SLC39A11: variants seen among roughly 807,000 people sequenced by gnomAD.
SLC39A11 encodes the protein zinc transporter ZIP11.
Under a neutral mutation model 36.1 loss-of-function variants are expected in SLC39A11, and 33 were observed. The ratio of observed to expected loss-of-function variants is 0.91; its 90% CI spans 0.69 to 1.22. The LOEUF (loss-of-function observed/expected upper bound fraction) is 1.22. Among genes scored for constraint, SLC39A11 ranks in the 50% most tolerant of loss-of-function variants. The pLI is 0.00. For missense variants in SLC39A11, 432 were observed against 430.3 expected (o/e 1.00, Z -0.03); for synonymous variants, 166 against 170.3 (o/e 0.97, Z 0.20).
intron 4 of SLC39A11, among the ~76,000 whole-genome samples, chr17:72,954,808 G>A (rs993193157): frequency 6.6e-5 from 10 of 152,150 alleles, no homozygotes; most frequent in East Asian, 1.9e-4. Context: ...GCTGGCTCCC[G>A]GTGATGAGCA....
intron 4 of SLC39A11, among the ~76,000 whole-genome samples, chr17:72,982,010 A>T (rs1427842168): frequency 6.6e-6 from 1 of 152,164 alleles, no homozygotes; most frequent in African/African-American, 2.4e-5. Context: ...TGGGAGGCCA[A>T]GGCAAGAGGA....
At chr17:72,838,046 G>T in intron 6 of SLC39A11, 1 of 1,173,016 alleles carries the variant, frequency 8.5e-7, no homozygotes, top group South Asian at 4.3e-5. Flanking sequence ...CACTATGGGA[G>T]GCTGAAGCAG....
chr17:73,090,120 C>T (rs1445866735), intron 1 of SLC39A11, among the ~76,000 whole-genome samples: 1 of 152,216 alleles, frequency 6.6e-6, no homozygotes, highest in East Asian at 1.9e-4. Flanking sequence ...GAGGAGCCAG[C>T]AGCCCTGAGC....
chr17:72,867,064 G>T (rs1567851253), intron 5 of SLC39A11, among the ~76,000 whole-genome samples: 2 of 152,082 alleles, frequency 1.3e-5, no homozygotes, highest in African/African-American at 4.8e-5. Context: ...TCATTTGGGA[G>T]GTATCAAACA....
chr17:72,653,441 CTTTT>C (rs66924570), intron 7 of SLC39A11, among the ~76,000 whole-genome samples: 1 of 124,770 alleles, frequency 8.0e-6, no homozygotes, highest in African/African-American at 3.1e-5. Context: ...CTTTTCTTTT[CTTTT>C]TTTTTTTTTG....
intron 5 of SLC39A11, among the ~76,000 whole-genome samples, chr17:72,908,535 C>T (rs2082786902): frequency 6.6e-6 from 1 of 152,192 alleles, no homozygotes; most frequent in South Asian, 2.1e-4. Context: ...TCCAGAGAGC[C>T]CCGGCTTGCC....
intron 7 of SLC39A11, among the ~76,000 whole-genome samples, chr17:72,698,459 C>CAAAAAAAAAAAAAAAAA (rs61454778): frequency 1.1e-5 from 1 of 93,000 alleles, no homozygotes. Context: ...TAATAAAAAC[C>CAAAAAAAAAAAAAAAAA]AAAAAAAAAA....
chr17:73,052,762 A>T (rs941868775), intron 3 of SLC39A11, among the ~76,000 whole-genome samples: 13 of 152,176 alleles, frequency 8.5e-5, no homozygotes, highest in Non-Finnish European at 2.9e-5. Context: ...TCACAGTGGC[A>T]CAATCTTGGC....
intron 6 of SLC39A11, among the ~76,000 whole-genome samples, chr17:72,825,584 C>T (rs8069629): frequency 0.022 from 3,325 of 152,248 alleles, 117 homozygotes; most frequent in African/African-American, 0.074. Flanking sequence ...TGACAAGTTC[C>T]ACCATGTGCC....
At chr17:72,805,752 CTTTTTT>C (rs547328994) in intron 6 of SLC39A11, among the ~76,000 whole-genome samples, 4,405 of 145,664 alleles carry the variant, frequency 0.03, 167 homozygotes, top group African/African-American at 0.084. Context: ...TTTTCTTTTT[CTTTTTT>C]TTTTTTCTGA....
chr17:73,012,574 C>T (rs1041709126), intron 4 of SLC39A11, among the ~76,000 whole-genome samples: 13 of 151,064 alleles, frequency 8.6e-5, no homozygotes, highest in African/African-American at 2.0e-4. Flanking sequence ...TCAGGGGGTA[C>T]GTGTGCGGGT....
intron 5 of SLC39A11, among the ~76,000 whole-genome samples, chr17:72,861,646 T>C (rs1274437891): frequency 1.9e-5 from 2 of 106,530 alleles, no homozygotes; most frequent in African/African-American, 3.9e-5. Context: ...GCACCATCTA[T>C]ATACAACACA....
At chr17:72,994,663 A>T (rs1340376071) in intron 4 of SLC39A11, among the ~76,000 whole-genome samples, 1 of 152,214 alleles carries the variant, frequency 6.6e-6, no homozygotes, top group Admixed American at 6.5e-5. Context: ...CACAAACAGG[A>T]TCCAGCCTAC....
At chr17:73,012,059 G>A (rs896362708) in intron 4 of SLC39A11, among the ~76,000 whole-genome samples, 4 of 127,278 alleles carry the variant, frequency 3.1e-5, no homozygotes, top group Non-Finnish European at 5.2e-5. Context: ...TAGATCACCC[G>A]AGGTCAGGAG....
intron 7 of SLC39A11, among the ~76,000 whole-genome samples, chr17:72,733,437 G>C (rs2074306173): frequency 6.6e-6 from 1 of 152,002 alleles, no homozygotes. Flanking sequence ...TAAAGAACGG[G>C]TGCATGAATG....
chr17:72,676,495 CAAT>C (rs2071267851), intron 7 of SLC39A11, among the ~76,000 whole-genome samples: 1 of 152,042 alleles, frequency 6.6e-6, no homozygotes, highest in Non-Finnish European at 1.5e-5. Context: ...ACTAGATGCT[CAAT>C]AAATGCTACT....
At chr17:72,659,062 G>A (rs549054928) in intron 7 of SLC39A11, among the ~76,000 whole-genome samples, 1 of 152,190 alleles carries the variant, frequency 6.6e-6, no homozygotes, top group Non-Finnish European at 1.5e-5. Context: ...ATGTCCTGCA[G>A]TGGCAACTTG....
At chr17:72,733,084 CT>C (rs2074294599) in intron 7 of SLC39A11, among the ~76,000 whole-genome samples, 2 of 152,308 alleles carry the variant, frequency 1.3e-5, no homozygotes, top group Admixed American at 1.3e-4. Context: ...TTTCAGTTCC[CT>C]GACATCCAAG....
chr17:72,899,378 C>T lies in SLC39A11; in HGVS notation c.430+48374G>A, dbSNP rs535490644. ...AATTTCCTATCCTGAAACCAACAAT[C>T]GTAATTATTTACATTGTTTTTTTAC... On this transcript the variant is annotated intron_variant, in intron 5 of 9. Coordinates refer to ENST00000255559, the MANE Select transcript of SLC39A11 (RefSeq NM_139177.4). Among the ~76,000 whole-genome samples the T allele has an allele frequency of 7.4e-4, 112 of 152,214 alleles. 2 individuals carry two copies. Among genetic ancestry groups the T allele is most frequent in the Middle Eastern group, 3.4e-3 (1 of 294 alleles).
Sources: gnomAD v4.1 joint callset for allele counts (sites outside exome capture counted in the v4.1 genomes callset) on GRCh38, gnomAD v4.1.1 for gene constraint, MANE v1.5 for transcripts, NCBI Gene and HGNC (gene_info 2026-07-23, HGNC 2026-07-21) for gene names.